SV2C: variants seen among roughly 807,000 people sequenced by gnomAD.
The protein encoded by SV2C is solute carrier family 22 member B3.
SV2C carries 49 observed loss-of-function variants against 79.7 expected under a neutral mutation model. That is an observed-to-expected ratio of 0.61 (90% CI 0.49 to 0.78). The LOEUF (loss-of-function observed/expected upper bound fraction) is 0.78. Among genes scored for constraint, SV2C ranks in the 30% least tolerant of loss-of-function variants. The pLI, the probability that SV2C is intolerant of heterozygous loss-of-function variation, is 0.00. For missense variants in SV2C, 833 were observed against 912.9 expected, an observed-to-expected ratio of 0.91 and a Z score of 1.13; for synonymous variants, 334 against 333.2, an observed-to-expected ratio of 1.00 and a Z score of -0.03.
intron 2 of SV2C, among the ~76,000 whole-genome samples, chr5:76,184,282 G>T (rs1743840423): frequency 6.6e-6 from 1 of 152,180 alleles, no homozygotes; most frequent in African/African-American, 2.4e-5. Context: ...AGTGAAAACT[G>T]TGTCCTATTC....
At chr5:76,234,820 C>CAAAAG (rs1745563796) in intron 4 of SV2C, among the ~76,000 whole-genome samples, 1 of 152,110 alleles carries the variant, frequency 6.6e-6, no homozygotes, top group South Asian at 2.1e-4. Flanking sequence ...CCTGTGCTTA[C>CAAAAG]TTGATTTATA....
chr5:75,973,814 G>T, the SV2C span, among the ~76,000 whole-genome samples: 1 of 151,986 alleles, frequency 6.6e-6, no homozygotes, highest in Non-Finnish European at 1.5e-5. Context: ...TATACAGCAG[G>T]ATCTCTCAAA....
the SV2C span, among the ~76,000 whole-genome samples, chr5:75,952,709 G>C: frequency 4.6e-5 from 7 of 151,694 alleles, no homozygotes; most frequent in African/African-American, 1.7e-4. Flanking sequence ...TGCTCCTGAG[G>C]ACTCACCAGA....
chr5:76,253,918 T>C (rs1049863917), intron 4 of SV2C, among the ~76,000 whole-genome samples: 3 of 152,114 alleles, frequency 2.0e-5, no homozygotes, highest in Admixed American at 6.5e-5. Flanking sequence ...AAGATTCTGC[T>C]GCAGACTATT....
intron 12 of SV2C, among the ~76,000 whole-genome samples, chr5:76,350,587 A>G (rs1749625529): frequency 6.6e-6 from 1 of 152,250 alleles, no homozygotes; most frequent in African/African-American, 2.4e-5. Context: ...CACTAAAAAT[A>G]TATATACTAA....
the SV2C span, among the ~76,000 whole-genome samples, chr5:76,000,319 C>G: frequency 2.0e-5 from 3 of 152,140 alleles, no homozygotes; most frequent in Non-Finnish European, 2.9e-5. Context: ...CAGAGGGAAG[C>G]CTGTGCCATC....
intron 2 of SV2C, among the ~76,000 whole-genome samples, chr5:76,140,754 C>CT (rs1252401196): frequency 1.3e-5 from 2 of 152,156 alleles, no homozygotes; most frequent in African/African-American, 4.8e-5. Context: ...AGACCCATAA[C>CT]TTTTTTTCCC....
chr5:75,902,139 G>A, the SV2C span, among the ~76,000 whole-genome samples: 537 of 152,244 alleles, frequency 3.5e-3, 1 homozygote, highest in African/African-American at 0.012. Context: ...AGATGAACCC[G>A]GTACCTCAGA....
the SV2C span, among the ~76,000 whole-genome samples, chr5:76,019,604 C>G: frequency 1.3e-5 from 2 of 152,132 alleles, no homozygotes; most frequent in Non-Finnish European, 2.9e-5. Context: ...CATAGCTTCA[C>G]CACTGCCACA....
chr5:76,084,279 G>A (rs115847560), intron 1 of SV2C: 2,711 of 152,500 alleles, frequency 0.018, 41 homozygotes, highest in South Asian at 0.049. Context: ...AGCTCAGAGG[G>A]GAGAGGGACC....
At chr5:75,980,997 TA>T in the SV2C span, among the ~76,000 whole-genome samples, 1 of 152,190 alleles carries the variant, frequency 6.6e-6, no homozygotes, top group South Asian at 2.1e-4. Flanking sequence ...CTTAAGCTGA[TA>T]AACAACTTCA....
intron 4 of SV2C, among the ~76,000 whole-genome samples, chr5:76,261,888 A>G (rs1356676747): frequency 6.6e-6 from 1 of 152,182 alleles, no homozygotes; most frequent in Non-Finnish European, 1.5e-5. Context: ...CATCAGGGAT[A>G]TTGGCCTGGA....
At chr5:75,889,160 A>G in the SV2C span, among the ~76,000 whole-genome samples, 1 of 152,110 alleles carries the variant, frequency 6.6e-6, no homozygotes, top group East Asian at 1.9e-4. Flanking sequence ...ATAGGTATAC[A>G]TGTGGCATGG....
the SV2C span, among the ~76,000 whole-genome samples, chr5:75,892,244 T>A: frequency 6.6e-6 from 1 of 152,100 alleles, no homozygotes; most frequent in East Asian, 1.9e-4. Context: ...ACTACCCTAT[T>A]TTTTTAATAA....
chr5:76,215,516 G>A (rs1744886827), intron 4 of SV2C, among the ~76,000 whole-genome samples: 1 of 152,070 alleles, frequency 6.6e-6, no homozygotes, highest in African/African-American at 2.4e-5. Flanking sequence ...AATAGACAAG[G>A]GGCTAAAAGT....
chr5:76,038,944 G>C, the SV2C span, among the ~76,000 whole-genome samples: 8 of 152,168 alleles, frequency 5.3e-5, no homozygotes, highest in African/African-American at 1.4e-4. Context: ...CTCCTTTCCA[G>C]AAGAAACAGT....
chr5:76,213,739 C>T (rs1023442085), intron 4 of SV2C, among the ~76,000 whole-genome samples: 2 of 152,118 alleles, frequency 1.3e-5, no homozygotes, highest in African/African-American at 4.8e-5. Flanking sequence ...ATGATGAGAA[C>T]ACTTACTCTC....
chr5:76,251,375 T>C (rs1222116115), intron 4 of SV2C, among the ~76,000 whole-genome samples: 1 of 151,908 alleles, frequency 6.6e-6, no homozygotes, highest in African/African-American at 2.4e-5. Flanking sequence ...AGACCCTGTC[T>C]CTACAGAAAA....
chr5:76,143,204 A>G (rs992637186), intron 2 of SV2C, among the ~76,000 whole-genome samples: 4 of 151,884 alleles, frequency 2.6e-5, no homozygotes, highest in African/African-American at 9.7e-5. Context: ...GGCCTCTTCA[A>G]TTTTTTCTTA....
Sources: gnomAD v4.1 joint callset for allele counts (sites outside exome capture counted in the v4.1 genomes callset) on GRCh38, gnomAD v4.1.1 for gene constraint, MANE v1.5 for transcripts, NCBI Gene and HGNC (gene_info 2026-07-23, HGNC 2026-07-21) for gene names.